CNTNAP4: variants seen among roughly 807,000 people sequenced by gnomAD.
The protein encoded by CNTNAP4 is contactin associated protein family member 4, also known as contactin-associated protein-like 4.
CNTNAP4 carries 98 observed loss-of-function variants against 148.4 expected under a neutral mutation model. That is an observed-to-expected ratio of 0.66 (90% CI 0.56 to 0.78). The LOEUF (loss-of-function observed/expected upper bound fraction) is 0.78. CNTNAP4 is among the 30% of genes least tolerant of loss of function. The probability of loss-of-function intolerance (pLI) is 0.00; values close to 1 mark genes in which losing one functional copy is unlikely to be tolerated. For synonymous variants in CNTNAP4, 730 were observed against 565.1 expected, an observed-to-expected ratio of 1.29 and a Z score of -4.14; for missense variants, 1,935 against 1,565.6, an observed-to-expected ratio of 1.24 and a Z score of -3.98.
chr16:76,327,187 C>CA (rs1394702640), intron 2 of CNTNAP4, among the ~76,000 whole-genome samples: 1 of 152,154 alleles, frequency 6.6e-6, no homozygotes, highest in Non-Finnish European at 1.5e-5. Context: ...AGGTAGGTTT[C>CA]AACCCCTGCC....
At chr16:76,443,246 C>T (rs1346325794) in intron 4 of CNTNAP4, among the ~76,000 whole-genome samples, 1 of 152,014 alleles carries the variant, frequency 6.6e-6, no homozygotes, top group African/African-American at 2.4e-5. Flanking sequence ...AAAAAGTCTC[C>T]TCTTACATCT....
At chr16:76,281,029 C>T (rs183939197) in intron 1 of CNTNAP4, among the ~76,000 whole-genome samples, 127 of 152,212 alleles carry the variant, frequency 8.3e-4, no homozygotes, top group Non-Finnish European at 1.6e-3. Context: ...TAGAAGTTAA[C>T]ATCTCACTGT....
At chr16:76,347,137 TTGTGTG>T (rs56664519) in intron 2 of CNTNAP4, among the ~76,000 whole-genome samples, 63 of 149,468 alleles carry the variant, frequency 4.2e-4, no homozygotes, top group Middle Eastern at 3.5e-3. Flanking sequence ...AGGCAATTGG[TTGTGTG>T]TGTGTGTGTG....
At chr16:76,424,753 G>A (rs964301949) in intron 3 of CNTNAP4, among the ~76,000 whole-genome samples, 3 of 135,816 alleles carry the variant, frequency 2.2e-5, no homozygotes, top group Non-Finnish European at 3.2e-5. Context: ...AGTGAGACTC[G>A]GTCTAAAAAA....
intron 4 of CNTNAP4, among the ~76,000 whole-genome samples, chr16:76,443,817 T>A (rs2080135748): frequency 6.6e-6 from 1 of 152,184 alleles, no homozygotes; most frequent in Non-Finnish European, 1.5e-5. Context: ...TTGTATCTGT[T>A]TGCATTGCTG....
chr16:76,483,437 T>A (rs546095928), intron 12 of CNTNAP4, among the ~76,000 whole-genome samples: 1 of 152,278 alleles, frequency 6.6e-6, no homozygotes, highest in East Asian at 1.9e-4. Context: ...TACATAATCT[T>A]GTTTTATGTG....
intron 3 of CNTNAP4, among the ~76,000 whole-genome samples, chr16:76,415,106 T>C (rs6564332): frequency 0.79 from 119,832 of 150,802 alleles, 48,067 homozygotes; most frequent in Non-Finnish European, 0.86. Flanking sequence ...ACACAATTCC[T>C]CCAAATTTTG....
chr16:76,502,503 T>C (rs1237965572), intron 15 of CNTNAP4, among the ~76,000 whole-genome samples: 1 of 151,974 alleles, frequency 6.6e-6, no homozygotes, highest in East Asian at 1.9e-4. Flanking sequence ...GCATCAGGAC[T>C]ACACATTGAA....
At chr16:76,463,344 A>T (rs2081053387) in intron 9 of CNTNAP4, among the ~76,000 whole-genome samples, 1 of 152,206 alleles carries the variant, frequency 6.6e-6, no homozygotes, top group Non-Finnish European at 1.5e-5. Flanking sequence ...TTGTTTGTAA[A>T]TCATGAAAAT....
In CNTNAP4 at chr16:76,462,123, GCT is replaced by G. The variant is rs1257987798; in HGVS notation, c.1483+21_1483+22del. ...TTTTGGAGGTAAGAATAGGTGCCAG[GCT>G]CTATGAGCAACTGAACCATATTTGC... On this transcript the variant is annotated intron_variant, in intron 9 of 23. Coordinates refer to ENST00000611870, the MANE Select transcript of CNTNAP4 (RefSeq NM_033401.5). The G allele has an allele frequency of 6.2e-7, 1 of 1,602,096 alleles. No individual in the cohort carries two copies. The highest frequency in any genetic ancestry group is 8.5e-7 in the Non-Finnish European group (1 of 1,172,072).
chr16:76,295,296 G>A (rs2143869418), intron 1 of CNTNAP4, among the ~76,000 whole-genome samples: 1 of 152,332 alleles, frequency 6.6e-6, no homozygotes, highest in East Asian at 1.9e-4. Context: ...CAGTAGTGCA[G>A]AAGGACAAAA....
chr16:76,334,112 C>T (rs1433430039), intron 2 of CNTNAP4, among the ~76,000 whole-genome samples: 1 of 151,808 alleles, frequency 6.6e-6, no homozygotes, highest in Non-Finnish European at 1.5e-5. Context: ...AGCACACCAA[C>T]ATGGCACATG....
chr16:76,322,779 T>C (rs1962556938), intron 2 of CNTNAP4, among the ~76,000 whole-genome samples: 1 of 152,214 alleles, frequency 6.6e-6, no homozygotes, highest in Admixed American at 6.5e-5. Flanking sequence ...CAGAGAATTC[T>C]GACCTCCACA....
At chr16:76,373,225 AATATATTCCACATAAATAGGTG>A (rs1487486425) in intron 3 of CNTNAP4, among the ~76,000 whole-genome samples, 5 of 151,176 alleles carry the variant, frequency 3.3e-5, no homozygotes, top group African/African-American at 7.3e-5. Context: ...TAAATAGGTG[AATATATTCCACATAAATAGGTG>A]AATATATTCC....
At chr16:76,452,107 C>T (rs9925941) in intron 7 of CNTNAP4, among the ~76,000 whole-genome samples, 125,682 of 151,356 alleles carry the variant, frequency 0.83, 52,784 homozygotes, top group Non-Finnish European at 0.9. Flanking sequence ...TGCCTTTACA[C>T]ATATGGGTTA....
chr16:76,347,954 TATA>T (rs536022211), intron 2 of CNTNAP4, among the ~76,000 whole-genome samples: 14 of 152,166 alleles, frequency 9.2e-5, no homozygotes, highest in Admixed American at 6.5e-4. Flanking sequence ...TGTGCACAGG[TATA>T]ATATTTCACA....
chr16:76,427,074 AT>A (rs2079430286), intron 3 of CNTNAP4, among the ~76,000 whole-genome samples: 1 of 152,160 alleles, frequency 6.6e-6, no homozygotes, highest in African/African-American at 2.4e-5. Flanking sequence ...GACTCGAATG[AT>A]TGTTTTTCAA....
chr16:76,471,052 T>G (rs2081353237), intron 10 of CNTNAP4, among the ~76,000 whole-genome samples: 1 of 152,012 alleles, frequency 6.6e-6, no homozygotes, highest in Non-Finnish European at 1.5e-5. Flanking sequence ...TTCCCAGACT[T>G]CTTATATTCA....
intron 1 of CNTNAP4, among the ~76,000 whole-genome samples, chr16:76,300,100 A>G (rs936273734): frequency 1.3e-5 from 2 of 152,178 alleles, no homozygotes; most frequent in Admixed American, 1.3e-4. Flanking sequence ...CATATGTAAC[A>G]AACCTGCACG....
Sources: allele counts gnomAD v4.1 joint callset (sites outside exome capture counted in the v4.1 genomes callset), GRCh38; gene constraint gnomAD v4.1.1; transcripts MANE v1.5; gene names NCBI Gene and HGNC (gene_info 2026-07-23, HGNC 2026-07-21).